The following RUBCNL variants were observed in gnomAD, a reference collection of about 807,000 sequenced individuals.
The protein encoded by RUBCNL is rubicon like autophagy enhancer.
In RUBCNL, 62 loss-of-function variants were observed where a neutral mutation model predicts 69.5. That is an observed-to-expected ratio of 0.89 (90% CI 0.73 to 1.10). The LOEUF is 1.10. Among genes scored for constraint, RUBCNL ranks in the 50% least tolerant of loss-of-function variants. RUBCNL has a pLI of 0.00. For missense variants in RUBCNL, 768 were observed against 798.1 expected (o/e 0.96, Z 0.45); for synonymous variants, 291 against 303.6 (o/e 0.96, Z 0.43).
Position 46,343,411 on chromosome 13 carries a change from C to G in RUBCNL, c.1963G>C (p.Glu655Gln). The G allele has an allele frequency of 6.2e-7, 1 of 1,613,794 alleles. No homozygotes were observed. The highest frequency in any genetic ancestry group is 8.5e-7 in the Non-Finnish European group (1 of 1,179,820). The change falls in exon 15 of 15, where the codon GAA becomes CAA. Residue 655 changes from glutamate to glutamine, a missense_variant. Glu to Gln is a conservative substitution (Grantham distance 29). Coordinates refer to ENST00000429979, the MANE Select transcript of RUBCNL (RefSeq NM_025113.5). The stretch of plus-strand genomic sequence containing the variant: ...CATGTTGCTGCAGAGGCCACACTTT[C>G]CAGAAGTTTTCTCCTCGCTGTGATC... ...ARITARRKLL[E>Q]SVASAAT
chr13:46,338,928 T>C lies in RUBCNL; in HGVS notation c.*4457A>G, dbSNP rs1458092228. 6.6e-6 allele frequency among the ~76,000 whole-genome samples: 1 copy of C among 151,784 alleles called. No individual in the cohort carries two copies. The highest frequency in any genetic ancestry group is 1.5e-5 in the Non-Finnish European group (1 of 67,976). On this transcript the variant is annotated 3_prime_UTR_variant, in exon 15 of 15. Coordinates refer to ENST00000429979, the MANE Select transcript of RUBCNL (RefSeq NM_025113.5). Reference sequence around the variant, plus strand: ...TGGGCATGGTGGCACATGCCTGTGGTCCCAGCTACTAGGGAAGCTGAGGCA... The same window carrying C: ...TGGGCATGGTGGCACATGCCTGTGGCCCCAGCTACTAGGGAAGCTGAGGCA...
In RUBCNL at chr13:46,343,083, C is replaced by T. The variant is rs1464523968; in HGVS notation, c.*302G>A. On this transcript the variant is annotated 3_prime_UTR_variant, in exon 15 of 15. Transcript: ENST00000429979. ...CAGTTCACATATATGCACACACATA[C>T]AAACTGGCTCAGCATCAGTGAAACA... The T allele has an allele frequency of 2.3e-6, 1 of 437,950 alleles. No individual in the cohort carries two copies. Among genetic ancestry groups the T allele is most frequent in the Non-Finnish European group, 4.1e-6 (1 of 243,774 alleles). The allele number at this position is 437,950 out of a possible 1,614,324, so 27.1% of individuals were successfully genotyped here.
intron 3 of RUBCNL, among the ~76,000 whole-genome samples, chr13:46,370,280 A>T (rs2048849502): frequency 6.6e-6 from 1 of 152,258 alleles, no homozygotes; most frequent in Non-Finnish European, 1.5e-5. Flanking sequence ...TGTAGTTCCT[A>T]TGCCAACAAA....
At chr13:46,359,832 A>G (rs991068377) in intron 8 of RUBCNL, among the ~76,000 whole-genome samples, 11 of 152,184 alleles carry the variant, frequency 7.2e-5, no homozygotes, top group Non-Finnish European at 1.3e-4. Flanking sequence ...CACCACCCAG[A>G]TGAGATCACT....
intron 1 of RUBCNL, among the ~76,000 whole-genome samples, chr13:46,385,815 C>T (rs1360103865): frequency 6.6e-6 from 1 of 152,172 alleles, no homozygotes; most frequent in African/African-American, 2.4e-5. Context: ...TCAAATCTAA[C>T]CCCTCACCCC....
chr13:46,343,354 T>G lies in RUBCNL; in HGVS notation c.*31A>C. ...AAATCGGTGTTATCATAAGGCATGT[T>G]GAACAGTCTTTTTCACAGTACTCAG... On this transcript the variant is annotated 3_prime_UTR_variant, in exon 15 of 15. Coordinates refer to ENST00000429979, the MANE Select transcript of RUBCNL (RefSeq NM_025113.5). 1 of 1,606,348 alleles carries G rather than the reference T, an allele frequency of 6.2e-7. No individual in the cohort carries two copies. The highest frequency in any genetic ancestry group is 8.5e-7 in the Non-Finnish European group (1 of 1,175,624).
intron 14 of RUBCNL, among the ~76,000 whole-genome samples, chr13:46,343,773 G>A (rs944915504): frequency 3.3e-5 from 5 of 152,272 alleles, no homozygotes; most frequent in South Asian, 2.1e-4. Flanking sequence ...TGAGGCAGGC[G>A]TTTCCCCAGC....
In RUBCNL at chr13:46,349,333, C is replaced by A. The variant is rs116682214; in HGVS notation, c.1584G>T (p.Gln528His). 8 of 1,613,712 alleles carry A rather than the reference C, an allele frequency of 5.0e-6. No homozygotes were observed. The African/African-American group carries it at 9.3e-5, about 19-fold the overall frequency. The change falls in exon 12 of 15, where the codon CAG becomes CAT. Residue 528 changes from glutamine (Q) to histidine (H), a missense_variant. Physicochemically the swap from Gln to His is conservative, Grantham distance 24. Transcript: ENST00000429979. The stretch of plus-strand genomic sequence containing the variant: ...TCAACAGCTTCTTGATATGGAAGAG[C>A]TGCTCCTGAATTTCCTAATGGGAGA... ...ELDRVKEIQE[Q>H]LFHIKKLLKT... is the part of the protein sequence containing the mutation.
chr13:46,368,771 A>G lies in RUBCNL; in HGVS notation c.580T>C (p.Ser194Pro), dbSNP rs2048815304. The stretch of plus-strand genomic sequence containing the variant: ...ACAGGCAGCACAAATACCTCTGGTG[A>G]GAAGGAATTCGAAGAAATGGTTCTT... Reference protein sequence around the residue: ...SRRTISSNSFSPEVFVLPVDV... With the variant: ...SRRTISSNSFPPEVFVLPVDV... Residue 194 changes from serine to proline, a missense_variant, in exon 4 of 15, where the codon TCA (serine) becomes CCA (proline). Ser to Pro is a moderately conservative substitution (Grantham distance 74, BLOSUM62 -1). Coordinates refer to ENST00000429979, the MANE Select transcript of RUBCNL (RefSeq NM_025113.5). 1 of 1,613,776 alleles carries G rather than the reference A, an allele frequency of 6.2e-7. No individual in the cohort carries two copies. Among genetic ancestry groups the G allele is most frequent in the African/African-American group, 1.3e-5 (1 of 74,938 alleles).
intron 5 of RUBCNL, among the ~76,000 whole-genome samples, chr13:46,364,862 A>G (rs1219200891): frequency 1.3e-5 from 2 of 152,158 alleles, no homozygotes; most frequent in African/African-American, 2.4e-5. Context: ...TTCATTTAAC[A>G]TATTCATATT....
At chr13:46,356,181 G>T (rs2048479659) in intron 10 of RUBCNL, among the ~76,000 whole-genome samples, 1 of 152,166 alleles carries the variant, frequency 6.6e-6, no homozygotes, top group South Asian at 2.1e-4. Context: ...GGCAGCAGGA[G>T]GCCACGTGGC....
At chr13:46,368,700 T>C (rs41284175) in intron 4 of RUBCNL, 33 bp downstream of exon 4, 193,540 of 1,559,796 alleles carry the variant, frequency 0.12, 13,328 homozygotes, top group Non-Finnish European at 0.14. Flanking sequence ...GGATTAAGAC[T>C]CTATGGTTAA....
Position 46,341,422 on chromosome 13 carries a change from C to G in RUBCNL, c.*1963G>C, listed in dbSNP as rs537628006. 1.3e-5 allele frequency among the ~76,000 whole-genome samples: 2 copies of G among 152,230 alleles called. No homozygotes were observed. Among genetic ancestry groups the G allele is most frequent in the Non-Finnish European group, 2.9e-5 (2 of 68,036 alleles). On this transcript the variant is annotated 3_prime_UTR_variant, in exon 15 of 15. Coordinates refer to ENST00000429979, the MANE Select transcript of RUBCNL (RefSeq NM_025113.5). The stretch of plus-strand genomic sequence containing the variant: ...CAGGTGCCTTCCTGGGAAGAAGCCT[C>G]TATTATCACATTGGAGAGGAACAAA...
At chr13:46,352,232 C>G (rs1594139509) in intron 10 of RUBCNL, among the ~76,000 whole-genome samples, 1 of 152,170 alleles carries the variant, frequency 6.6e-6, no homozygotes, top group Admixed American at 6.5e-5. Flanking sequence ...CAACAAATAC[C>G]TGTGCACTCA....
At chr13:46,352,011 A>G (rs2048380453) in intron 10 of RUBCNL, among the ~76,000 whole-genome samples, 1 of 151,984 alleles carries the variant, frequency 6.6e-6, no homozygotes, top group South Asian at 2.1e-4. Context: ...TATTTTTAGT[A>G]GAGATGGGGT....
At chr13:46,367,942 T>TG in intron 5 of RUBCNL, 100 bp downstream of exon 5, 1 of 1,128,648 alleles carries the variant, frequency 8.9e-7, no homozygotes. Flanking sequence ...AGGCTTCCAC[T>TG]GGGAGTCTTG....
At chr13:46,373,784 G>A (rs2048931087) in intron 2 of RUBCNL, among the ~76,000 whole-genome samples, 1 of 152,228 alleles carries the variant, frequency 6.6e-6, no homozygotes, top group African/African-American at 2.4e-5. Context: ...CCATTGCTGT[G>A]CATGCAGGCA....
At chr13:46,361,302 G>T in intron 8 of RUBCNL, 139 bp downstream of exon 8, 1 of 773,374 alleles carries the variant, frequency 1.3e-6, no homozygotes, top group Non-Finnish European at 2.0e-6. Context: ...CTCAACACAT[G>T]CCAGTTTCCT....
intron 1 of RUBCNL, among the ~76,000 whole-genome samples, chr13:46,379,050 T>C (rs1185962744): frequency 3.9e-5 from 6 of 152,222 alleles, no homozygotes; most frequent in Non-Finnish European, 8.8e-5. Context: ...CAATGACTAG[T>C]ACCCCCCAGA....
Sources: allele counts gnomAD v4.1 joint callset (sites outside exome capture counted in the v4.1 genomes callset), GRCh38; gene constraint gnomAD v4.1.1; transcripts MANE v1.5; gene names NCBI Gene and HGNC (gene_info 2026-07-23, HGNC 2026-07-21).